The following DOCK8 variants were observed in gnomAD, a reference collection of about 807,000 sequenced individuals.
DOCK8 encodes the protein dedicator of cytokinesis protein 8.
Under a neutral mutation model 245.6 loss-of-function variants are expected in DOCK8, and 141 were observed. The ratio of observed to expected loss-of-function variants is 0.57; its 90% CI spans 0.50 to 0.66. The LOEUF is 0.66. Among genes scored for constraint, DOCK8 ranks in the 30% least tolerant of loss-of-function variants. The probability of loss-of-function intolerance (pLI) is 0.00; values close to 1 mark genes in which losing one functional copy is unlikely to be tolerated. For missense variants in DOCK8, 2,965 were observed against 2,603.4 expected, an observed-to-expected ratio of 1.14 and a Z score of -3.02; for synonymous variants, 1,168 against 970.2, an observed-to-expected ratio of 1.20 and a Z score of -3.79.
At position 317,086 on chromosome 9, in the gene DOCK8, A is replaced by G. The variant is rs1563915829; in HGVS notation, c.785A>G (p.Glu262Gly). Reference sequence around the variant, plus strand: ...CGTCCAGTACCAGAATGTCCCAAGGAACACCTGGGCAACAGAATATTGGTC... The same window carrying G: ...CGTCCAGTACCAGAATGTCCCAAGGGACACCTGGGCAACAGAATATTGGTC... ...EIRPVPECPKEHLGNRILVKL... is the reference protein window; with the variant it reads ...EIRPVPECPKGHLGNRILVKL... The change falls in exon 7 of 48, where the codon GAA becomes GGA. Residue 262 changes from glutamate to glycine, a missense_variant. By Grantham distance (98) the Glu-to-Gly change is moderately conservative. Transcript: ENST00000432829. The G allele has an allele frequency of 6.2e-7, 1 of 1,614,118 alleles. No homozygotes were observed. Among genetic ancestry groups the G allele is most frequent in the Non-Finnish European group, 8.5e-7 (1 of 1,179,916 alleles).
intron 6 of DOCK8, chr9:312,981 C>G (rs1213463558): frequency 1.3e-5 from 2 of 153,120 alleles, no homozygotes; most frequent in African/African-American, 4.8e-5. Flanking sequence ...GATATTCTAT[C>G]CATCCATGCC....
At chr9:222,367 A>G (rs1354278928) in intron 1 of DOCK8, among the ~76,000 whole-genome samples, 1 of 152,182 alleles carries the variant, frequency 6.6e-6, no homozygotes, top group African/African-American at 2.4e-5. Flanking sequence ...GCGCTAGTGC[A>G]AACACCTCCT....
chr9:388,548 G>A (rs1327645040), intron 23 of DOCK8, among the ~76,000 whole-genome samples: 1 of 151,068 alleles, frequency 6.6e-6, no homozygotes, highest in Non-Finnish European at 1.5e-5. Context: ...TGGACTCTGT[G>A]GGTAATTTTT....
chr9:335,026 G>A (rs1226278328), intron 11 of DOCK8, among the ~76,000 whole-genome samples: 2 of 152,080 alleles, frequency 1.3e-5, no homozygotes, highest in Middle Eastern at 3.2e-3. Flanking sequence ...AGGTTACAGT[G>A]AGCCGAGATC....
intron 14 of DOCK8, among the ~76,000 whole-genome samples, chr9:350,848 G>A (rs1362138213): frequency 6.6e-6 from 1 of 152,178 alleles, no homozygotes; most frequent in Admixed American, 6.5e-5. Context: ...CAGCAACTCT[G>A]GTGCCAAAGA....
chr9:453,225 G>A (rs1171081259), intron 46 of DOCK8, among the ~76,000 whole-genome samples: 2 of 152,194 alleles, frequency 1.3e-5, no homozygotes, highest in African/African-American at 4.8e-5. Flanking sequence ...CTTGGTAATA[G>A]GATGTTTGTG....
chr9:271,314 G>C (rs919530805), intron 1 of DOCK8, among the ~76,000 whole-genome samples: 1 of 152,196 alleles, frequency 6.6e-6, no homozygotes, highest in Admixed American at 6.5e-5. Flanking sequence ...ACTCTGAATG[G>C]CTGGGGGAGA....
chr9:256,154 G>C (rs544463), intron 1 of DOCK8, among the ~76,000 whole-genome samples: 73,069 of 152,042 alleles, frequency 0.48, 17,981 homozygotes, highest in East Asian at 0.79. Context: ...AGGATTCATA[G>C]GGGAAATAGT....
At chr9:353,164 C>G (rs1452204465) in intron 14 of DOCK8, among the ~76,000 whole-genome samples, 1 of 152,166 alleles carries the variant, frequency 6.6e-6, no homozygotes, top group African/African-American at 2.4e-5. Flanking sequence ...ACATGTAATG[C>G]AACTTTGTCC....
At chr9:455,115 G>A (rs900986055) in intron 46 of DOCK8, among the ~76,000 whole-genome samples, 1 of 152,112 alleles carries the variant, frequency 6.6e-6, no homozygotes, top group Non-Finnish European at 1.5e-5. Context: ...CCACTGGCTG[G>A]GCTGCTGCAT....
At chr9:252,787 G>T (rs2047680535) in intron 1 of DOCK8, among the ~76,000 whole-genome samples, 1 of 134,888 alleles carries the variant, frequency 7.4e-6, no homozygotes, top group African/African-American at 2.6e-5. Context: ...AACAGAGCAA[G>T]ACTCCATCTC....
intron 1 of DOCK8, among the ~76,000 whole-genome samples, chr9:217,875 A>G (rs1030923614): frequency 9.2e-5 from 14 of 152,210 alleles, no homozygotes; most frequent in Admixed American, 2.0e-4. Flanking sequence ...ACAACCAGCA[A>G]TGGCAGAGCT....
At chr9:218,028 T>A (rs1348243852) in intron 1 of DOCK8, among the ~76,000 whole-genome samples, 1 of 152,212 alleles carries the variant, frequency 6.6e-6, no homozygotes, top group Non-Finnish European at 1.5e-5. Context: ...ATTGGCAAAG[T>A]GTTCTGTTTC....
chr9:328,189 G>A lies in DOCK8; in HGVS notation c.1044+18G>A, dbSNP rs371026181. 79 of 1,608,672 alleles carry A rather than the reference G, an allele frequency of 4.9e-5. No homozygotes were observed. Among genetic ancestry groups the A allele is most frequent in the Non-Finnish European group, 5.9e-5 (70 of 1,177,122 alleles). On this transcript the variant is annotated intron_variant, in intron 9 of 47. Transcript: ENST00000432829. ...TAGTCAAGGTAATTCAGTACGATCT[G>A]ATTTGCCCAATCTGATGTTTTCATT...
Position 422,128 on chromosome 9 carries a change from C to G in DOCK8, c.4234C>G (p.Leu1412Val). ...QTHWRQANEKLDKTKAELDQE... is the reference protein window; with the variant it reads ...QTHWRQANEKVDKTKAELDQE... Reference sequence around the variant, plus strand: ...ACATTGGCGGCAAGCTAATGAGAAGCTAGATAAGTGAGTCACTCGGCAACT... The same window carrying G: ...ACATTGGCGGCAAGCTAATGAGAAGGTAGATAAGTGAGTCACTCGGCAACT... The change falls in exon 33 of 48, where the codon CTA (leucine) becomes GTA (valine). Residue 1412 changes from leucine (L) to valine (V), a missense_variant. Physicochemically the swap from Leu to Val is conservative, Grantham distance 32. Around this residue, in one of 3 missense-constraint regions of DOCK8, gnomAD observed 2,825 missense variants for 2,453.5 expected, o/e 1.15. Transcript: ENST00000432829. The G allele has an allele frequency of 6.2e-7, 1 of 1,613,974 alleles. No individual in the cohort carries two copies. Among genetic ancestry groups the G allele is most frequent in the Non-Finnish European group, 8.5e-7 (1 of 1,179,930 alleles).
chr9:311,190 CAGG>C (rs1349604885), intron 5 of DOCK8, among the ~76,000 whole-genome samples: 1 of 151,664 alleles, frequency 6.6e-6, no homozygotes, highest in African/African-American at 2.4e-5. Context: ...GAGGCCGACG[CAGG>C]AGAATTGCTT....
At chr9:363,084 A>G (rs1033097478) in intron 14 of DOCK8, among the ~76,000 whole-genome samples, 7 of 152,218 alleles carry the variant, frequency 4.6e-5, no homozygotes, top group Admixed American at 2.0e-4. Context: ...TGGAGTTTCC[A>G]AAATAGTTTG....
chr9:372,755 C>G (rs1359818697), intron 18 of DOCK8, among the ~76,000 whole-genome samples: 1 of 152,200 alleles, frequency 6.6e-6, no homozygotes, highest in African/African-American at 2.4e-5. Context: ...GGCACTTTCT[C>G]TTGCTCATCC....
At chr9:462,055 A>G (rs2057821552) in intron 46 of DOCK8, among the ~76,000 whole-genome samples, 1 of 134,480 alleles carries the variant, frequency 7.4e-6, no homozygotes, top group South Asian at 2.3e-4. Context: ...ACATTGTTTT[A>G]TTATCTCTAA....
Sources: allele counts gnomAD v4.1 joint callset (sites outside exome capture counted in the v4.1 genomes callset), GRCh38; gene constraint gnomAD v4.1.1; regional missense constraint gnomAD v4.1.1; transcripts MANE v1.5; gene names NCBI Gene and HGNC (gene_info 2026-07-23, HGNC 2026-07-21).